The following TTC23 variants were observed in gnomAD, a reference collection of about 807,000 sequenced individuals.
TTC23 encodes tetratricopeptide repeat domain 23.
Under a neutral mutation model 55.1 loss-of-function variants are expected in TTC23, and 58 were observed. The ratio of observed to expected loss-of-function variants is 1.05; its 90% CI spans 0.85 to 1.31. TTC23 has a LOEUF of 1.31. TTC23 is among the 50% of genes most tolerant of loss of function. The pLI, the probability that TTC23 is intolerant of heterozygous loss-of-function variation, is 0.00. For synonymous variants in TTC23, 203 were observed against 199.9 expected, an observed-to-expected ratio of 1.02 and a Z score of -0.13; for missense variants, 516 against 534.4, an observed-to-expected ratio of 0.97 and a Z score of 0.34.
intron 9 of TTC23, among the ~76,000 whole-genome samples, chr15:99,176,577 C>A (rs565274582): frequency 6.6e-6 from 1 of 152,100 alleles, no homozygotes; most frequent in Non-Finnish European, 1.5e-5. Context: ...TATGCCACTG[C>A]ACTTCAGCCT....
At position 99,175,046 on chromosome 15, in the gene TTC23, T is replaced by A. The variant is rs1372316192; in HGVS notation, c.865+4A>T. 1 of 1,613,578 alleles carries A rather than the reference T, an allele frequency of 6.2e-7. No individual in the cohort carries two copies. The highest frequency in any genetic ancestry group is 8.5e-7 in the Non-Finnish European group (1 of 1,179,842). The stretch of plus-strand genomic sequence containing the variant: ...AGACAGGAAGAGAAAAGGATTCTTC[T>A]CACCATGGTGCTCGTGTCTCCCTGA... On this transcript the variant is annotated splice_donor_region_variant and intron_variant, in intron 10 of 13. Coordinates refer to ENST00000394132, the MANE Select transcript of TTC23 (RefSeq NM_001288615.3).
In TTC23 at chr15:99,218,107, G is replaced by A. The variant is rs143287269; in HGVS notation, c.581+481C>T. ...ACTAACTATGCACAACCTTCTCTTC[G>A]TGTCTCTTCCAGCTGAGTTTATTTG... On this transcript the variant is annotated intron_variant, in intron 8 of 13. Coordinates refer to ENST00000394132, the MANE Select transcript of TTC23 (RefSeq NM_001288615.3). Among the ~76,000 whole-genome samples, 1,101 of 152,314 alleles carry A rather than the reference G, an allele frequency of 7.2e-3. 9 individuals carry two copies. Among genetic ancestry groups the A allele is most frequent in the African/African-American group, 0.023 (966 of 41,562 alleles).
intron 10 of TTC23, among the ~76,000 whole-genome samples, chr15:99,174,530 G>A (rs894090534): frequency 1.2e-4 from 18 of 151,368 alleles, no homozygotes; most frequent in African/African-American, 3.6e-4. Context: ...TGCTCTGTAC[G>A]TGGATTAAAT....
intron 10 of TTC23, among the ~76,000 whole-genome samples, chr15:99,169,794 C>T (rs974062302): frequency 1.3e-5 from 2 of 152,146 alleles, no homozygotes; most frequent in East Asian, 3.9e-4. Context: ...TATACATATT[C>T]GTGCATAGGA....
At chr15:99,230,311 T>C (rs548396699) in intron 4 of TTC23, among the ~76,000 whole-genome samples, 2 of 151,988 alleles carry the variant, frequency 1.3e-5, no homozygotes, top group African/African-American at 4.8e-5. Context: ...TTTGTAGACA[T>C]AGCAATAAAA....
At chr15:99,157,573 A>G (rs2151885728) in intron 11 of TTC23, 1 of 152,284 alleles carries the variant, frequency 6.6e-6, no homozygotes, top group Middle Eastern at 3.4e-3. Context: ...ATTCTTACAG[A>G]AGTGAAAATA....
upstream of TTC23, chr15:99,249,644 T>C (rs2080555791): frequency 6.6e-6 from 1 of 152,114 alleles, no homozygotes; most frequent in Non-Finnish European, 1.5e-5. Flanking sequence ...GAGAAGAGTA[T>C]TTTGTCGAAG....
At chr15:99,182,240 TCTCTCTCTCACACACACACACACA>T (rs1437272023) in intron 9 of TTC23, among the ~76,000 whole-genome samples, 1 of 113,042 alleles carries the variant, frequency 8.8e-6, no homozygotes, top group Non-Finnish European at 1.8e-5. Flanking sequence ...TCTCTCTCTC[TCTCTCTCTCACACACACACACACA>T]CACACACACA....
intron 9 of TTC23, among the ~76,000 whole-genome samples, chr15:99,199,479 T>TGC (rs1258768226): frequency 6.6e-5 from 10 of 150,508 alleles, no homozygotes; most frequent in African/African-American, 2.5e-4. Flanking sequence ...TGTGTGTGTG[T>TGC]ACGTATCCTA....
intron 8 of TTC23, among the ~76,000 whole-genome samples, chr15:99,205,637 T>A (rs2076567757): frequency 6.6e-6 from 1 of 152,052 alleles, no homozygotes; most frequent in South Asian, 2.1e-4. Flanking sequence ...GAAATGCTAC[T>A]GATTTTTGTA....
chr15:99,200,336 A>G (rs529384844), intron 8 of TTC23, among the ~76,000 whole-genome samples: 1 of 152,282 alleles, frequency 6.6e-6, no homozygotes, highest in South Asian at 2.1e-4. Context: ...TCTTCCAGTC[A>G]CTCAGTTTCC....
At chr15:99,217,135 A>G (rs946945155) in intron 8 of TTC23, among the ~76,000 whole-genome samples, 4 of 150,780 alleles carry the variant, frequency 2.7e-5, no homozygotes, top group African/African-American at 9.7e-5. Flanking sequence ...TACGCTACAA[A>G]TTTATACAAA....
intron 2 of TTC23, among the ~76,000 whole-genome samples, chr15:99,241,872 T>C (rs1385210985): frequency 6.6e-6 from 1 of 152,186 alleles, no homozygotes; most frequent in Non-Finnish European, 1.5e-5. Context: ...CGGTGGCTCA[T>C]GCCTGTAATA....
At chr15:99,245,811 C>G (rs1376618322) in intron 1 of TTC23, among the ~76,000 whole-genome samples, 1 of 134,486 alleles carries the variant, frequency 7.4e-6, no homozygotes, top group East Asian at 2.3e-4. Context: ...AGGAGTAAAT[C>G]TTCATGAACT....
chr15:99,243,843 G>C (rs2080012257), intron 2 of TTC23, among the ~76,000 whole-genome samples: 1 of 152,084 alleles, frequency 6.6e-6, no homozygotes, highest in Admixed American at 6.5e-5. Flanking sequence ...GGGCAGGGAG[G>C]GAAAAGTGGG....
intron 1 of TTC23, among the ~76,000 whole-genome samples, 182 bp downstream of exon 1, chr15:99,248,989 T>A (rs1347597248): frequency 7.9e-5 from 12 of 152,154 alleles, no homozygotes; most frequent in Admixed American, 7.9e-4. Context: ...TTCTCCTATA[T>A]CTTTTAATAG....
chr15:99,206,327 A>AT (rs1213956489), intron 8 of TTC23, among the ~76,000 whole-genome samples: 2 of 152,156 alleles, frequency 1.3e-5, no homozygotes, highest in Non-Finnish European at 2.9e-5. Context: ...ACCTCATAGA[A>AT]TGAGTTTGGA....
intron 9 of TTC23, among the ~76,000 whole-genome samples, chr15:99,196,175 G>A (rs2151980588): frequency 6.6e-6 from 1 of 150,594 alleles, no homozygotes; most frequent in Non-Finnish European, 1.5e-5. Flanking sequence ...AAAAGTTTGA[G>A]AGATATGGGT....
At chr15:99,229,018 C>T (rs553145813) in intron 4 of TTC23, among the ~76,000 whole-genome samples, 4 of 151,928 alleles carry the variant, frequency 2.6e-5, no homozygotes, top group Non-Finnish European at 5.9e-5. Flanking sequence ...ATGTATTACA[C>T]ACATACATAC....
Sources: gnomAD v4.1 joint callset for allele counts (sites outside exome capture counted in the v4.1 genomes callset) on GRCh38, gnomAD v4.1.1 for gene constraint, MANE v1.5 for transcripts, NCBI Gene and HGNC (gene_info 2026-07-23, HGNC 2026-07-21) for gene names.